Variants in IDE observed in about 807,000 individuals in gnomAD.
IDE encodes insulin-degrading enzyme.
Under a neutral mutation model 133.2 loss-of-function variants are expected in IDE, and 58 were observed. The observed-to-expected ratio is 0.44, with a 90% CI of 0.35 to 0.54. The LOEUF (loss-of-function observed/expected upper bound fraction) is 0.54. Ranked by LOEUF, IDE falls within the 20% of genes least tolerant of loss-of-function variation. The pLI is 0.00. For missense variants in IDE, 981 were observed against 1,234.0 expected (o/e 0.79, Z 3.07); for synonymous variants, 396 against 421.3 (o/e 0.94, Z 0.73).
At chr10:92,570,490 C>T (rs954804938) in intron 1 of IDE, among the ~76,000 whole-genome samples, 1 of 152,156 alleles carries the variant, frequency 6.6e-6, no homozygotes, top group African/African-American at 2.4e-5. Flanking sequence ...CCTAACATAT[C>T]TATAGAGGAT....
intron 16 of IDE, 132 bp downstream of exon 16, chr10:92,475,752 G>A: frequency 4.0e-6 from 2 of 501,010 alleles, no homozygotes; most frequent in Non-Finnish European, 6.9e-6. Context: ...GACAAGGTGA[G>A]ATGAATGCCA....
At chr10:92,501,608 T>C (rs1364902500) in intron 11 of IDE, among the ~76,000 whole-genome samples, 1 of 150,986 alleles carries the variant, frequency 6.6e-6, no homozygotes, top group East Asian at 1.9e-4. Context: ...ATGTGGAGGT[T>C]GCAGTGAGCC....
At chr10:92,537,229 A>C in intron 2 of IDE, 137 bp downstream of exon 2, 1 of 570,256 alleles carries the variant, frequency 1.8e-6, no homozygotes, top group Non-Finnish European at 2.9e-6. Context: ...CAATAGCTTT[A>C]CGAGGGTTCT....
intron 1 of IDE, among the ~76,000 whole-genome samples, chr10:92,551,447 A>G (rs1238503332): frequency 6.6e-6 from 1 of 151,544 alleles, no homozygotes; most frequent in Non-Finnish European, 1.5e-5. Context: ...GCACACCTAT[A>G]GTCCCAGATA....
chr10:92,473,006 T>A (rs1420544961), intron 17 of IDE, among the ~76,000 whole-genome samples: 13 of 148,978 alleles, frequency 8.7e-5, no homozygotes. Context: ...GCAGTGGCAT[T>A]ATCTCGGCTC....
intron 20 of IDE, 83 bp downstream of exon 20, chr10:92,465,593 G>A: frequency 8.3e-7 from 1 of 1,205,616 alleles, no homozygotes; most frequent in Non-Finnish European, 1.2e-6. Context: ...TACAGTGTTA[G>A]GTGAAAATGT....
chr10:92,533,720 A>AG (rs1425052390), intron 3 of IDE, among the ~76,000 whole-genome samples: 1 of 147,402 alleles, frequency 6.8e-6, no homozygotes, highest in Non-Finnish European at 1.5e-5. Context: ...TTGACCAAAA[A>AG]AAAAAAAAAA....
Position 92,463,883 on chromosome 10 carries a change from A to G in IDE, c.2609T>C (p.Met870Thr), listed in dbSNP as rs768540270. The G allele has an allele frequency of 4.3e-6, 7 of 1,614,068 alleles. No individual in the cohort carries two copies. Among genetic ancestry groups the G allele is most frequent in the African/African-American group, 1.3e-5 (1 of 75,004 alleles). ...TGTCATGTCCTCTATGGACTTTTCCATGGTAATTAAGAAAGCTTCCACTCT... is the reference window on the plus strand; with the variant it reads ...TGTCATGTCCTCTATGGACTTTTCCGTGGTAATTAAGAAAGCTTCCACTCT... ...ESRVEAFLIT[M>T]EKSIEDMTEE... Residue 870 changes from methionine (M) to threonine (T), a missense_variant, in exon 21 of 25, where the codon ATG (methionine) becomes ACG (threonine). Physicochemically the swap from Met to Thr is moderately conservative, Grantham distance 81. Around this residue, in one of 2 missense-constraint regions of IDE, gnomAD observed 660 missense variants for 894.7 expected, o/e 0.74. Coordinates refer to ENST00000265986, the MANE Select transcript of IDE (RefSeq NM_004969.4).
At chr10:92,504,591 C>T (rs758044739) in intron 11 of IDE, among the ~76,000 whole-genome samples, 4 of 152,066 alleles carry the variant, frequency 2.6e-5, no homozygotes, top group Non-Finnish European at 5.9e-5. Flanking sequence ...AGGGGGATGA[C>T]TGAAGAGGGA....
chr10:92,487,425 C>G, intron 12 of IDE, 107 bp from the exon 13 acceptor site: 1 of 941,342 alleles, frequency 1.1e-6, no homozygotes, highest in Non-Finnish European at 1.6e-6. Context: ...AAATGTCACA[C>G]AGCATTGTTT....
At chr10:92,554,625 A>G (rs1209910717) in intron 1 of IDE, 1 of 152,054 alleles carries the variant, frequency 6.6e-6, no homozygotes, top group Non-Finnish European at 1.5e-5. Flanking sequence ...AGGCAGGCGG[A>G]TCACTTGAAG....
Position 92,498,301 on chromosome 10 carries a change from A to C in IDE, c.1430+6493T>G, listed in dbSNP as rs536168012. On this transcript the variant is annotated intron_variant, in intron 11 of 24. Transcript: ENST00000265986. ...TAGTAGTAGGTGACAAAACCACACA[A>C]AATTAGTAACTGGAAGGAATCTTAA... Among the ~76,000 whole-genome samples, 3 of 152,328 alleles carry C rather than the reference A, an allele frequency of 2.0e-5. No homozygotes were observed. In the South Asian group the frequency reaches 6.2e-4, roughly 32 times the overall value.
chr10:92,509,967 A>T lies in IDE; in HGVS notation c.897+83T>A, dbSNP rs183387420. 4.6e-5 allele frequency: 29 copies of T among 633,950 alleles called. No homozygotes were observed. In the East Asian group the frequency reaches 7.8e-4, roughly 17 times the overall value. 39.3% of individuals were successfully genotyped at this position (633,950 alleles called of 1,614,324 possible). A position where few individuals can be genotyped will look rare whatever the true frequency, so the allele number is the denominator to read the frequency against. On this transcript the variant is annotated intron_variant, in intron 6 of 24. Transcript: ENST00000265986. ...CAACATAAATAATGAAACCTCCAAAAATTTTCACCTGTTCTATGGTAAACT... is the reference window on the plus strand; with the variant it reads ...CAACATAAATAATGAAACCTCCAAATATTTTCACCTGTTCTATGGTAAACT...
intron 11 of IDE, among the ~76,000 whole-genome samples, chr10:92,504,142 A>G (rs1176661311): frequency 6.6e-6 from 1 of 152,158 alleles, no homozygotes; most frequent in East Asian, 1.9e-4. Context: ...TACTTCCCTA[A>G]CAGAGGAGAA....
intron 22 of IDE, among the ~76,000 whole-genome samples, chr10:92,459,085 T>C (rs1300591013): frequency 6.6e-6 from 1 of 152,230 alleles, no homozygotes; most frequent in East Asian, 1.9e-4. Flanking sequence ...CTTCTGCTGC[T>C]CAGTTCTGAA....
intron 1 of IDE, among the ~76,000 whole-genome samples, chr10:92,544,880 T>TGTA (rs1842473116): frequency 6.6e-6 from 1 of 152,128 alleles, no homozygotes; most frequent in African/African-American, 2.4e-5. Flanking sequence ...CAGAACTGAC[T>TGTA]CATGCATGAA....
chr10:92,537,117 A>G (rs1254880508), intron 2 of IDE, among the ~76,000 whole-genome samples: 1 of 152,182 alleles, frequency 6.6e-6, no homozygotes, highest in Non-Finnish European at 1.5e-5. Context: ...GTTACTGTAA[A>G]GAATGGCAAT....
intron 5 of IDE, among the ~76,000 whole-genome samples, chr10:92,510,868 T>C (rs919114638): frequency 2.7e-5 from 4 of 150,774 alleles, no homozygotes; most frequent in African/African-American, 9.7e-5. Context: ...CACATATATA[T>C]CACATACATG....
intron 4 of IDE, among the ~76,000 whole-genome samples, chr10:92,518,319 T>C (rs751419027): frequency 5.3e-5 from 8 of 152,182 alleles, no homozygotes; most frequent in Non-Finnish European, 1.2e-4. Context: ...AACAAGTTAC[T>C]TTACTTCTCT....
Sources: gnomAD v4.1 joint callset for allele counts (sites outside exome capture counted in the v4.1 genomes callset) on GRCh38, gnomAD v4.1.1 for gene constraint, gnomAD v4.1.1 regional missense constraint, MANE v1.5 for transcripts, NCBI Gene and HGNC (gene_info 2026-07-23, HGNC 2026-07-21) for gene names.